Variants in MACF1 observed in about 807,000 individuals in gnomAD.
MACF1 encodes the protein microtubule-actin cross-linking factor 1.
Under a neutral mutation model 854.8 loss-of-function variants are expected in MACF1, and 193 were observed. The ratio of observed to expected loss-of-function variants is 0.23; its 90% CI spans 0.20 to 0.25. The LOEUF (loss-of-function observed/expected upper bound fraction) is 0.25. Among genes scored for constraint, MACF1 ranks in the 10% least tolerant of loss-of-function variants. The probability of loss-of-function intolerance (pLI) is 1.00; values close to 1 mark genes in which losing one functional copy is unlikely to be tolerated. For missense variants in MACF1, 7,722 were observed against 8,929.1 expected, an observed-to-expected ratio of 0.86 and a Z score of 5.45; for synonymous variants, 3,185 against 3,226.7, an observed-to-expected ratio of 0.99 and a Z score of 0.44.
At chr1:39,322,887 T>C in intron 32 of MACF1, 23 bp from the exon 33 acceptor site, 1 of 1,602,278 alleles carries the variant, frequency 6.2e-7, no homozygotes, top group South Asian at 1.1e-5. Flanking sequence ...ACGATTTATT[T>C]AAATTGTTCT....
At chr1:39,224,012 G>T (rs966349117) in intron 1 of MACF1, among the ~76,000 whole-genome samples, 1 of 152,168 alleles carries the variant, frequency 6.6e-6, no homozygotes, top group African/African-American at 2.4e-5. Flanking sequence ...GGAAGTTTTA[G>T]GAGGCCATTG....
At chr1:39,175,513 C>A (rs1181585981) in intron 2 of MACF1, among the ~76,000 whole-genome samples, 1 of 152,166 alleles carries the variant, frequency 6.6e-6, no homozygotes, top group East Asian at 1.9e-4. Context: ...TGGTGTAAAA[C>A]CTCATTGAGT....
intron 2 of MACF1, among the ~76,000 whole-genome samples, chr1:39,232,090 A>G (rs1322758807): frequency 2.0e-5 from 3 of 148,656 alleles, no homozygotes; most frequent in African/African-American, 7.3e-5. Context: ...TCACCTAAAG[A>G]TAATAATAAT....
chr1:39,335,986 A>T lies in MACF1; in HGVS notation c.9398A>T (p.Asp3133Val). 6.2e-7 allele frequency: 1 copy of T among 1,614,180 alleles called. No individual in the cohort carries two copies. The highest frequency in any genetic ancestry group is 1.3e-5 in the African/African-American group (1 of 75,036). The change falls in exon 37 of 101, where the codon GAC (aspartate) becomes GTC (valine). Residue 3133 changes from aspartate to valine, a missense_variant. By Grantham distance (152) the Asp-to-Val change is radical. Around this residue, in one of 15 missense-constraint regions of MACF1, gnomAD observed 854 missense variants for 852.6 expected, o/e 1.00. Coordinates refer to ENST00000564288, the MANE Select transcript of MACF1 (RefSeq NM_001394062.1). Reference protein sequence around the residue: ...VTGPSQISKTDKSFQGTTRQE... With the variant: ...VTGPSQISKTVKSFQGTTRQE... ...GGCCCATCCCAAATTTCCAAAACAG[A>T]CAAGTCTTTCCAAGGAACCACCAGA... is the stretch of plus-strand genomic sequence containing the variant.
At chr1:39,446,768 G>A (rs555686059) in intron 80 of MACF1, among the ~76,000 whole-genome samples, 9 of 152,116 alleles carry the variant, frequency 5.9e-5, no homozygotes, top group Admixed American at 1.3e-4. Flanking sequence ...GGATTGAAGC[G>A]TACTTGTGAG....
intron 72 of MACF1, among the ~76,000 whole-genome samples, chr1:39,440,174 A>G (rs1398917634): frequency 7.7e-6 from 1 of 129,728 alleles, no homozygotes; most frequent in Non-Finnish European, 1.5e-5. Flanking sequence ...TTGCAGTGGC[A>G]TGATCTTGGT....
rs1645074235 is a variant in MACF1, at chr1:39,254,279, T to G, written c.358-19T>G. The G allele has an allele frequency of 1.2e-6, 2 of 1,603,002 alleles. No homozygotes were observed. The highest frequency in any genetic ancestry group is 1.7e-6 in the Non-Finnish European group (2 of 1,170,208). On this transcript the variant is annotated intron_variant, in intron 4 of 100. Transcript: ENST00000564288. ...ATTGTGTAGCCAGAATTAACATCCC[T>G]TTTTTTGTTTGTTTGCAGCCCCGGG...
chr1:39,446,988 T>C (rs1414511608), intron 80 of MACF1, among the ~76,000 whole-genome samples: 2 of 152,224 alleles, frequency 1.3e-5, no homozygotes, highest in Admixed American at 1.3e-4. Flanking sequence ...CAAAGAGTAC[T>C]ACATTGAACA....
intron 2 of MACF1, among the ~76,000 whole-genome samples, chr1:39,102,088 A>C (rs1161658439): frequency 2.0e-5 from 3 of 151,374 alleles, no homozygotes; most frequent in African/African-American, 2.4e-5. Flanking sequence ...AGGCAGGAGA[A>C]TGGCGTGAAC....
In MACF1 at chr1:39,251,868, T is replaced by C. The variant is rs776837662; in HGVS notation, c.284T>C (p.Leu95Pro). ...AAGGAGCCAGCAGGGCTGAAGACCC[T>C]CCGTCTGGTGAGCATGCCCTCCTGG... The part of the protein sequence containing the change: ...IKLEPAGLKT[L>P]RLVSMPSWCH... The change falls in exon 4 of 101, where the codon CTC becomes CCC. Residue 95 changes from leucine to proline, a missense_variant. This residue lies in a region of MACF1 where 82 missense variants were observed against 84.0 expected (regional missense o/e 0.98). Coordinates refer to ENST00000564288, the MANE Select transcript of MACF1 (RefSeq NM_001394062.1). 3.6e-5 allele frequency: 54 copies of C among 1,504,374 alleles called. No homozygotes were observed. The Middle Eastern group carries it at 5.3e-4, about 15-fold the overall frequency. 93.2% of individuals were successfully genotyped at this position (1,504,374 alleles called of 1,614,324 possible).
At chr1:39,088,952 C>T (rs893228681) in intron 2 of MACF1, among the ~76,000 whole-genome samples, 1 of 152,194 alleles carries the variant, frequency 6.6e-6, no homozygotes, top group Non-Finnish European at 1.5e-5. Context: ...CCACCATCTA[C>T]CCATCAATCA....
chr1:39,193,128 A>G (rs1232387194), intron 2 of MACF1, among the ~76,000 whole-genome samples: 1 of 152,156 alleles, frequency 6.6e-6, no homozygotes, highest in Non-Finnish European at 1.5e-5. Flanking sequence ...TTAAAAAAAA[A>G]AAGAATATTT....
At chr1:39,097,795 TGC>T (rs1170236326) in intron 2 of MACF1, among the ~76,000 whole-genome samples, 2 of 152,122 alleles carry the variant, frequency 1.3e-5, no homozygotes, top group Non-Finnish European at 2.9e-5. Context: ...ACTGCCCTGA[TGC>T]TGGTGAACTG....
chr1:39,450,534 G>T (rs1394069600), intron 84 of MACF1, among the ~76,000 whole-genome samples: 1 of 151,634 alleles, frequency 6.6e-6, no homozygotes, highest in Non-Finnish European at 1.5e-5. Context: ...TGTCCCCTGT[G>T]CTACCCTTAA....
intron 44 of MACF1, among the ~76,000 whole-genome samples, chr1:39,354,793 T>C (rs1647388353): frequency 6.6e-6 from 1 of 152,216 alleles, no homozygotes; most frequent in Non-Finnish European, 1.5e-5. Flanking sequence ...GCACACTGTT[T>C]CTTACAGGCT....
chr1:39,209,229 A>G (rs1644489120), intron 1 of MACF1, among the ~76,000 whole-genome samples: 1 of 152,164 alleles, frequency 6.6e-6, no homozygotes, highest in African/African-American at 2.4e-5. Context: ...TAAAAAAAAA[A>G]AAAATCAGTA....
chr1:39,242,154 C>T (rs1020629290), intron 2 of MACF1, among the ~76,000 whole-genome samples: 14 of 152,092 alleles, frequency 9.2e-5, no homozygotes, highest in African/African-American at 3.4e-4. Context: ...TCAAGACCAG[C>T]CTGGCCAACA....
chr1:39,452,070 C>T, intron 85 of MACF1, 86 bp from the exon 86 acceptor site: 3 of 1,204,200 alleles, frequency 2.5e-6, no homozygotes, highest in Non-Finnish European at 3.5e-6. Flanking sequence ...ATGATTAGAA[C>T]CTACCAAGAA....
At position 39,321,634 on chromosome 1, in the gene MACF1, A is replaced by C. The variant is rs571936905; in HGVS notation, c.4030-974A>C. The stretch of plus-strand genomic sequence containing the variant: ...GAAAATTAGCGGTGAGATTGGGGCC[A>C]ACCCATGACAGGCCTTGTTCCATTG... On this transcript the variant is annotated intron_variant, in intron 31 of 100. Transcript: ENST00000564288. Among the ~76,000 whole-genome samples the C allele has an allele frequency of 1.1e-3, 175 of 152,388 alleles. 1 individual carries two copies. Among genetic ancestry groups the C allele is most frequent in the African/African-American group, 3.9e-3 (161 of 41,600 alleles).
Sources: gnomAD v4.1 joint callset for allele counts (sites outside exome capture counted in the v4.1 genomes callset) on GRCh38, gnomAD v4.1.1 for gene constraint, gnomAD v4.1.1 regional missense constraint, MANE v1.5 for transcripts, NCBI Gene and HGNC (gene_info 2026-07-23, HGNC 2026-07-21) for gene names.